The following HAGH variants were observed in gnomAD, a reference collection of about 807,000 sequenced individuals.
HAGH encodes the protein hydroxyacylglutathione hydrolase.
In HAGH, 29 loss-of-function variants were observed where a neutral mutation model predicts 35.1. The ratio of observed to expected loss-of-function variants is 0.83; its 90% CI spans 0.62 to 1.13. The LOEUF is 1.13. HAGH is among the 50% of genes most tolerant of loss of function. HAGH has a pLI of 0.00. For synonymous variants in HAGH, 225 were observed against 176.1 expected (o/e 1.28, Z -2.20); for missense variants, 478 against 419.6 (o/e 1.14, Z -1.22).
intron 3 of HAGH, 183 bp downstream of exon 3, chr16:1,822,117 C>G: frequency 1.7e-6 from 1 of 596,794 alleles, no homozygotes; most frequent in East Asian, 2.8e-5. Flanking sequence ...CTCAGAGTCA[C>G]TGAGCACCAG....
intron 7 of HAGH, among the ~76,000 whole-genome samples, chr16:1,815,520 C>G (rs1007008763): frequency 2.0e-5 from 3 of 152,204 alleles, no homozygotes; most frequent in African/African-American, 7.2e-5. Context: ...GAGAATGCCA[C>G]AGAGATGACG....
chr16:1,825,732 C>T (rs1374416229), intron 1 of HAGH, among the ~76,000 whole-genome samples: 1 of 152,168 alleles, frequency 6.6e-6, no homozygotes, highest in Non-Finnish European at 1.5e-5. Context: ...TGCCACCACG[C>T]CCGGCTGATT....
At chr16:1,825,450 G>C (rs1216302488) in intron 1 of HAGH, among the ~76,000 whole-genome samples, 1 of 152,130 alleles carries the variant, frequency 6.6e-6, no homozygotes, top group Non-Finnish European at 1.5e-5. Flanking sequence ...ATATCACTCA[G>C]CCCAGCACTG....
chr16:1,822,799 C>A, intron 2 of HAGH, 66 bp downstream of exon 2: 1 of 1,383,496 alleles, frequency 7.2e-7, no homozygotes, highest in Non-Finnish European at 1.0e-6. Flanking sequence ...GTTAGGAAAC[C>A]CATCGGGGGT....
At chr16:1,820,120 C>A (rs1391407504) in intron 3 of HAGH, 106 bp from the exon 4 acceptor site, 3 of 757,842 alleles carry the variant, frequency 4.0e-6, no homozygotes, top group African/African-American at 3.5e-5. Flanking sequence ...TGCTCTTAAA[C>A]CCTAGTCAAA....
chr16:1,826,679 G>C, intron 1 of HAGH, 33 bp downstream of exon 1: 1 of 984,778 alleles, frequency 1.0e-6, no homozygotes, highest in South Asian at 4.6e-5. Context: ...CCAGGCCCGC[G>C]TCCCCCGGCC....
chr16:1,824,850 CTG>C (rs1033301495), intron 1 of HAGH, among the ~76,000 whole-genome samples: 30 of 152,314 alleles, frequency 2.0e-4, no homozygotes, highest in African/African-American at 6.5e-4. Context: ...GAGCAGCTTC[CTG>C]TGTTATTCCC....
At chr16:1,812,891 C>A (rs1567252942) in intron 7 of HAGH, among the ~76,000 whole-genome samples, 1 of 152,166 alleles carries the variant, frequency 6.6e-6, no homozygotes, top group Non-Finnish European at 1.5e-5. Context: ...CTGGCTCCAC[C>A]GTGTGGTGTG....
At chr16:1,826,666 C>T in intron 1 of HAGH, 46 bp downstream of exon 1, 2 of 967,416 alleles carry the variant, frequency 2.1e-6, no homozygotes, top group Non-Finnish European at 2.5e-6. Flanking sequence ...GCTGCCCGCC[C>T]CGCCAGGCCC....
chr16:1,817,759 C>A (rs532049725), intron 5 of HAGH, among the ~76,000 whole-genome samples: 6 of 152,242 alleles, frequency 3.9e-5, no homozygotes, highest in Non-Finnish European at 7.3e-5. Flanking sequence ...AGGCTCCTTC[C>A]GGCCTCGGCC....
At chr16:1,813,950 G>C (rs2142031926) in intron 7 of HAGH, among the ~76,000 whole-genome samples, 1 of 152,302 alleles carries the variant, frequency 6.6e-6, no homozygotes, top group South Asian at 2.1e-4. Context: ...GGGAGGAAAG[G>C]ACAGTCCTTC....
chr16:1,822,870 G>A lies in HAGH; in HGVS notation c.244C>T (p.Gln82Ter), dbSNP rs933462890. 7.4e-6 allele frequency: 12 copies of A among 1,613,410 alleles called. No individual in the cohort carries two copies. Among genetic ancestry groups the A allele is most frequent in the Non-Finnish European group, 1.0e-5 (12 of 1,179,714 alleles). The part of the protein sequence containing the change: ...EAAIVDPVQP[Q>*]KVVDAARKHG... ...CCAGGCACAGCCATGCGCACCTTCT[G>A]GGGCTGCACCGGATCCACAATGGCA... Residue 82 changes from glutamine to a stop codon, truncating the protein, a stop_gained, in exon 2 of 9, where the codon CAG becomes TAG. Transcript: ENST00000397356. LOFTEE classifies it high-confidence loss of function.
chr16:1,824,524 C>T (rs1898307473), intron 1 of HAGH, among the ~76,000 whole-genome samples: 2 of 151,880 alleles, frequency 1.3e-5, no homozygotes. Flanking sequence ...GGGGCCCCGA[C>T]AATACCTTCA....
At position 1,808,305 on chromosome 16, in the gene HAGH, A is replaced by AT. The variant is rs1231309586; in HGVS notation, c.*977dup. ...TAAAAAGATTATTATTAAATTTCAT[A>AT]TTTTTTTTTTTTTGAGACAGAGTCT... On this transcript the variant is annotated 3_prime_UTR_variant, in exon 9 of 9. Coordinates refer to ENST00000397356, the MANE Select transcript of HAGH (RefSeq NM_005326.6). The AT allele has an allele frequency of 1.5e-3, 220 of 143,842 alleles. No individual in the cohort carries two copies. Among genetic ancestry groups the AT allele is most frequent in the Middle Eastern group, 3.5e-3 (1 of 282 alleles). The allele number at this position is 143,842 out of a possible 1,614,324, so 8.9% of individuals were successfully genotyped here.
intron 7 of HAGH, among the ~76,000 whole-genome samples, chr16:1,814,615 C>A (rs1306039199): frequency 1.3e-5 from 2 of 151,974 alleles, no homozygotes; most frequent in Non-Finnish European, 2.9e-5. Context: ...AAATATATAT[C>A]TCAGCTGGGC....
At chr16:1,818,757 GCACAGGTCCCTGAGTC>G in intron 5 of HAGH, 1 of 233,160 alleles carries the variant, frequency 4.3e-6, no homozygotes, top group Non-Finnish European at 8.6e-6. Context: ...CCCCAGACTA[GCACAGGTCCCTGAGTC>G]CACACTACGG....
intron 7 of HAGH, among the ~76,000 whole-genome samples, chr16:1,815,039 T>A (rs974430257): frequency 6.6e-6 from 1 of 151,808 alleles, no homozygotes; most frequent in Non-Finnish European, 1.5e-5. Context: ...CCAAACCCAA[T>A]ATTTAAAATG....
intron 1 of HAGH, among the ~76,000 whole-genome samples, chr16:1,823,324 G>C (rs1460597316): frequency 2.1e-4 from 31 of 150,478 alleles, no homozygotes; most frequent in East Asian, 1.2e-3. Context: ...CTGGAGTGCA[G>C]TGGCGCGATC....
chr16:1,816,887 A>G lies in HAGH; in HGVS notation c.747+6T>C. 6.3e-7 allele frequency: 1 copy of G among 1,594,448 alleles called. No homozygotes were observed. Among genetic ancestry groups the G allele is most frequent in the South Asian group, 1.1e-5 (1 of 90,686 alleles). ...GAAGGCACTGCGCAGTGACGGCCCC[A>G]CTCACCTTGGCCCAGGCCAGCTTCT... On this transcript the variant is annotated splice_donor_region_variant and intron_variant, in intron 7 of 8. Transcript: ENST00000397356.
Sources: allele counts gnomAD v4.1 joint callset (sites outside exome capture counted in the v4.1 genomes callset), GRCh38; gene constraint gnomAD v4.1.1; transcripts MANE v1.5; gene names NCBI Gene and HGNC (gene_info 2026-07-23, HGNC 2026-07-21).